PPP1R37: variants seen among roughly 807,000 people sequenced by gnomAD.
The protein encoded by PPP1R37 is leucine rich repeat containing 68.
A neutral mutation model predicts 61.0 loss-of-function variants in PPP1R37; 21 were observed. The observed-to-expected ratio is 0.34, with a 90% CI of 0.24 to 0.50. The LOEUF (loss-of-function observed/expected upper bound fraction) is 0.50, where lower values mean the gene tolerates loss of function less well. Among genes scored for constraint, PPP1R37 ranks in the 20% least tolerant of loss-of-function variants. The probability of loss-of-function intolerance (pLI) is 0.98; values close to 1 mark genes in which losing one functional copy is unlikely to be tolerated. For missense variants in PPP1R37, 910 were observed against 952.7 expected (o/e 0.96, Z 0.59); for synonymous variants, 443 against 433.5 (o/e 1.02, Z -0.27).
chr19:45,123,462 G>C (rs1968365049), intron 1 of PPP1R37, among the ~76,000 whole-genome samples: 1 of 152,182 alleles, frequency 6.6e-6, no homozygotes, highest in Admixed American at 6.5e-5. Flanking sequence ...AGTTCGAGAA[G>C]GCTGCATTTC....
At chr19:45,141,738 G>A (rs533677724) in intron 5 of PPP1R37, among the ~76,000 whole-genome samples, 36 of 152,256 alleles carry the variant, frequency 2.4e-4, no homozygotes, top group African/African-American at 7.9e-4. Context: ...CCATCCCCAC[G>A]TCACTCCTGT....
chr19:45,126,296 C>CA (rs1968403859), intron 1 of PPP1R37, among the ~76,000 whole-genome samples: 1 of 152,198 alleles, frequency 6.6e-6, no homozygotes, highest in Admixed American at 6.5e-5. Context: ...TTCTGGAGGG[C>CA]AGGGACAGGG....
chr19:45,128,796 TATA>T (rs1175298789), intron 1 of PPP1R37: 1 of 626,754 alleles, frequency 1.6e-6, no homozygotes, highest in Non-Finnish European at 2.9e-6. Flanking sequence ...CCTGTCACCT[TATA>T]ATGTGGGTGT....
chr19:45,143,190 C>T (rs558242853), intron 7 of PPP1R37: 13 of 251,526 alleles, frequency 5.2e-5, no homozygotes, highest in African/African-American at 2.7e-4. Flanking sequence ...AGTGAAATCT[C>T]CAGCCTGTCA....
intron 1 of PPP1R37, among the ~76,000 whole-genome samples, chr19:45,107,338 A>C (rs1017050083): frequency 3.9e-5 from 6 of 152,064 alleles, no homozygotes; most frequent in Non-Finnish European, 8.8e-5. Context: ...GCAGTGGCTC[A>C]CAATTGTAAT....
chr19:45,143,496 G>A, intron 7 of PPP1R37, 25 bp from the exon 8 acceptor site: 4 of 1,427,192 alleles, frequency 2.8e-6, no homozygotes, highest in Non-Finnish European at 3.8e-6. Flanking sequence ...CCCCAGACAG[G>A]GCTCTGACTG....
chr19:45,105,346 C>CAA (rs1968116469), intron 1 of PPP1R37, among the ~76,000 whole-genome samples: 1 of 152,092 alleles, frequency 6.6e-6, no homozygotes, highest in South Asian at 2.1e-4. Flanking sequence ...TGTTGACTTG[C>CAA]TGGGGGTCAT....
rs751164630 is a variant in PPP1R37 at position 45,104,356 on chromosome 19, G to A, written c.202+10829G>A. On this transcript the variant is annotated intron_variant, in intron 1 of 12. Transcript: ENST00000221462. The stretch of plus-strand genomic sequence containing the variant: ...CGCCTCCAGGAACCTTAAGGACTCC[G>A]GGCAAAGTGGGGTTGCTTATGAGCA... Among the ~76,000 whole-genome samples the A allele has an allele frequency of 6.6e-5, 10 of 152,296 alleles. No individual in the cohort carries two copies. The South Asian group carries it at 8.3e-4, about 13-fold the overall frequency.
chr19:45,106,261 G>A (rs1213257750), intron 1 of PPP1R37, among the ~76,000 whole-genome samples: 4 of 151,744 alleles, frequency 2.6e-5, no homozygotes, highest in Non-Finnish European at 4.4e-5. Context: ...TTTTTTTTGA[G>A]ATGGAGTTTC....
At chr19:45,094,207 C>T (rs2122701059) in intron 1 of PPP1R37, among the ~76,000 whole-genome samples, 1 of 152,214 alleles carries the variant, frequency 6.6e-6, no homozygotes, top group Admixed American at 6.5e-5. Flanking sequence ...TGGTCTCGGA[C>T]TTCTGGGTTC....
At chr19:45,095,777 AAG>A (rs1472056366) in intron 1 of PPP1R37, among the ~76,000 whole-genome samples, 2 of 150,954 alleles carry the variant, frequency 1.3e-5, no homozygotes, top group African/African-American at 4.9e-5. Flanking sequence ...AAAAAAAAAA[AAG>A]AGTTTTGGCA....
intron 1 of PPP1R37, among the ~76,000 whole-genome samples, chr19:45,137,452 C>T (rs1968552998): frequency 6.6e-6 from 1 of 151,772 alleles, no homozygotes; most frequent in African/African-American, 2.4e-5. Context: ...GCCCAGCCCT[C>T]CCTTCCGCAT....
In PPP1R37 at chr19:45,145,920, C is replaced by CCACCACCGGAGCCGCCTCGGT; in HGVS notation, c.1867_1887dup (p.Pro623_Ser629dup). 6.5e-7 allele frequency: 1 copy of CCACCACCGGAGCCGCCTCGGT among 1,534,606 alleles called. No individual in the cohort carries two copies. Among genetic ancestry groups the CCACCACCGGAGCCGCCTCGGT allele is most frequent in the Non-Finnish European group, 8.7e-7 (1 of 1,146,442 alleles). On this transcript the variant is annotated inframe_insertion, in exon 11 of 13. Coordinates refer to ENST00000221462, the MANE Select transcript of PPP1R37 (RefSeq NM_019121.2). ...GGACACAGGGTCCTCTGAGCCTCAG[C>CCACCACCGGAGCCGCCTCGGT]CACCACCGGAGCCGCCTCGGTCAGG...
At chr19:45,124,448 A>G (rs1750862398) in intron 1 of PPP1R37, among the ~76,000 whole-genome samples, 1 of 151,998 alleles carries the variant, frequency 6.6e-6, no homozygotes, top group African/African-American at 2.4e-5. Flanking sequence ...AATTCTCCCA[A>G]GAGAGGTCCA....
rs564675112 is a variant in PPP1R37 at position 45,111,527 on chromosome 19, C to T, written c.202+18000C>T. The stretch of plus-strand genomic sequence containing the variant: ...CCGACCTCAGGTGATCCGCCTGCCT[C>T]GATCTCCCAAAGTACTGGGATTACA... On this transcript the variant is annotated intron_variant, in intron 1 of 12. Transcript: ENST00000221462. 2.2e-4 allele frequency among the ~76,000 whole-genome samples: 34 copies of T among 152,322 alleles called. 1 individual carries two copies. The highest frequency in any genetic ancestry group is 1.9e-3 in the South Asian group (9 of 4,828).
intron 1 of PPP1R37, among the ~76,000 whole-genome samples, chr19:45,115,867 G>C (rs766829577): frequency 3.9e-5 from 6 of 151,938 alleles, no homozygotes; most frequent in Non-Finnish European, 8.8e-5. Context: ...CCACCTACTC[G>C]GGAGGCTGAG....
chr19:45,109,781 A>C (rs889524478), intron 1 of PPP1R37, among the ~76,000 whole-genome samples: 7 of 152,184 alleles, frequency 4.6e-5, no homozygotes, highest in Admixed American at 4.6e-4. Flanking sequence ...CCTGTATGTC[A>C]TGTGCTGTTT....
At chr19:45,104,440 G>C (rs1048081868) in intron 1 of PPP1R37, among the ~76,000 whole-genome samples, 9 of 152,180 alleles carry the variant, frequency 5.9e-5, no homozygotes, top group African/African-American at 1.9e-4. Flanking sequence ...GGACAGTCAG[G>C]GAGCATGGGG....
At chr19:45,133,498 A>T (rs566859060) in intron 1 of PPP1R37, among the ~76,000 whole-genome samples, 158 of 152,350 alleles carry the variant, frequency 1.0e-3, no homozygotes, top group Non-Finnish European at 2.0e-3. Flanking sequence ...CAAAGATCCC[A>T]GCCCCATCCC....
Sources: gnomAD v4.1 joint callset for allele counts (sites outside exome capture counted in the v4.1 genomes callset) on GRCh38, gnomAD v4.1.1 for gene constraint, MANE v1.5 for transcripts, NCBI Gene and HGNC (gene_info 2026-07-23, HGNC 2026-07-21) for gene names.